RASEF: variants seen among roughly 807,000 people sequenced by gnomAD.
RASEF encodes the protein ras and EF-hand domain-containing protein.
A neutral mutation model predicts 90.1 loss-of-function variants in RASEF; 68 were observed. The ratio of observed to expected loss-of-function variants is 0.75; its 90% CI spans 0.62 to 0.92. The LOEUF (loss-of-function observed/expected upper bound fraction) is 0.92. Among genes scored for constraint, RASEF ranks in the 40% least tolerant of loss-of-function variants. The probability of loss-of-function intolerance (pLI) is 0.00; values close to 1 mark genes in which losing one functional copy is unlikely to be tolerated. For missense variants in RASEF, 949 were observed against 937.2 expected, an observed-to-expected ratio of 1.01 and a Z score of -0.16; for synonymous variants, 331 against 345.2, an observed-to-expected ratio of 0.96 and a Z score of 0.46.
the RASEF span, among the ~76,000 whole-genome samples, chr9:83,135,087 GA>G: frequency 6.6e-6 from 1 of 152,150 alleles, no homozygotes; most frequent in Non-Finnish European, 1.5e-5. Context: ...GAACTGGGGA[GA>G]GGGGTAATGG....
the RASEF span, among the ~76,000 whole-genome samples, chr9:83,131,772 A>AT: frequency 1.3e-5 from 2 of 152,176 alleles, no homozygotes; most frequent in Non-Finnish European, 2.9e-5. Flanking sequence ...ACTCTAAGCT[A>AT]TATAAGATTT....
the RASEF span, among the ~76,000 whole-genome samples, chr9:83,197,009 C>T: frequency 1.3e-5 from 2 of 152,206 alleles, no homozygotes; most frequent in African/African-American, 2.4e-5. Context: ...TGGTGGCCAC[C>T]AAAAACACTG....
At chr9:83,048,540 A>G in intron 1 of RASEF, 1 of 985,376 alleles carries the variant, frequency 1.0e-6, no homozygotes, top group South Asian at 4.7e-5. Context: ...ACAAAAAAAA[A>G]AGTTTAAGTG....
the RASEF span, among the ~76,000 whole-genome samples, chr9:83,151,373 G>A: frequency 6.6e-6 from 1 of 152,140 alleles, no homozygotes; most frequent in Non-Finnish European, 1.5e-5. Context: ...CTTGGTGACT[G>A]ATTGAATATG....
Position 82,997,060 on chromosome 9 carries a change from T to C in RASEF, c.1872A>G (p.Thr624=). ...ADGVLLLYDV[T]CEKSFLNIRE... Reference sequence around the variant, plus strand: ...GTATGTTAAGAAAGCTTTTCTCACATGTAACATCATACAGCAGCAAAACAC... The same window carrying C: ...GTATGTTAAGAAAGCTTTTCTCACACGTAACATCATACAGCAGCAAAACAC... Residue 624 remains threonine, a synonymous_variant, in exon 14 of 17, where the codon ACA becomes ACG. Coordinates refer to ENST00000376447, the MANE Select transcript of RASEF (RefSeq NM_152573.4). 1 of 1,613,414 alleles carries C rather than the reference T, an allele frequency of 6.2e-7. No homozygotes were observed. The highest frequency in any genetic ancestry group is 8.5e-7 in the Non-Finnish European group (1 of 1,179,346).
At chr9:82,986,176 A>C (rs1344124972) in intron 16 of RASEF, among the ~76,000 whole-genome samples, 1 of 152,230 alleles carries the variant, frequency 6.6e-6, no homozygotes, top group Non-Finnish European at 1.5e-5. Context: ...GTTGGTGGTG[A>C]AGAGTCCTCA....
At chr9:83,104,471 C>T in the RASEF span, among the ~76,000 whole-genome samples, 1 of 152,056 alleles carries the variant, frequency 6.6e-6, no homozygotes, top group African/African-American at 2.4e-5. Flanking sequence ...AAGAGATGGA[C>T]AATATAAGAG....
At chr9:83,005,547 T>C (rs765871227) in intron 7 of RASEF, 47 bp from the exon 8 acceptor site, 18 of 1,363,774 alleles carry the variant, frequency 1.3e-5, no homozygotes, top group Middle Eastern at 1.8e-4. Context: ...GAAAGTATCA[T>C]TGGGGGTCAC....
chr9:83,035,521 T>C lies in RASEF; in HGVS notation c.432-9600A>G, dbSNP rs372743975. On this transcript the variant is annotated intron_variant, in intron 1 of 16. Coordinates refer to ENST00000376447, the MANE Select transcript of RASEF (RefSeq NM_152573.4). ...TTTTCATATACAGAAGTTCATTCTG[T>C]TGACATTACAGTATGTATGTGCTAT... Among the ~76,000 whole-genome samples the C allele has an allele frequency of 2.4e-4, 36 of 152,286 alleles. 1 individual carries two copies. The South Asian group carries it at 7.5e-3, about 32-fold the overall frequency.
chr9:83,147,761 C>A, the RASEF span, among the ~76,000 whole-genome samples: 1 of 152,048 alleles, frequency 6.6e-6, no homozygotes, highest in Non-Finnish European at 1.5e-5. Flanking sequence ...ACTTGAAGGA[C>A]GGTTAATTCA....
the RASEF span, among the ~76,000 whole-genome samples, chr9:83,176,948 A>G: frequency 5.3e-5 from 8 of 152,144 alleles, no homozygotes; most frequent in Admixed American, 1.3e-4. Context: ...TAACCTTCTT[A>G]TTATTTCTGG....
At chr9:83,187,484 A>T in the RASEF span, among the ~76,000 whole-genome samples, 34 of 152,220 alleles carry the variant, frequency 2.2e-4, no homozygotes, top group African/African-American at 8.2e-4. Flanking sequence ...AGTGACCTTG[A>T]TGATAAAAGT....
At chr9:83,087,435 C>CTCTCTCTCTCTCTG in the RASEF span, among the ~76,000 whole-genome samples, 1 of 151,744 alleles carries the variant, frequency 6.6e-6, no homozygotes, top group Non-Finnish European at 1.5e-5. Flanking sequence ...CTCTCTCTCT[C>CTCTCTCTCTCTCTG]TCTCTGTCTC....
At chr9:83,026,220 A>G (rs1267217743) in intron 1 of RASEF, among the ~76,000 whole-genome samples, 1 of 152,224 alleles carries the variant, frequency 6.6e-6, no homozygotes, top group Non-Finnish European at 1.5e-5. Context: ...ATAAATTTAC[A>G]GAAAAATTAG....
chr9:83,017,389 A>C (rs1450733675), intron 3 of RASEF, among the ~76,000 whole-genome samples: 1 of 151,284 alleles, frequency 6.6e-6, no homozygotes, highest in Admixed American at 6.6e-5. Flanking sequence ...TGTCCCAGCT[A>C]CTCGGGAGGC....
intron 2 of RASEF, among the ~76,000 whole-genome samples, chr9:83,024,604 A>G (rs570259617): frequency 6.6e-6 from 1 of 152,298 alleles, no homozygotes; most frequent in South Asian, 2.1e-4. Flanking sequence ...TCCTCCTGGA[A>G]GGCCCCTAGA....
the RASEF span, among the ~76,000 whole-genome samples, chr9:83,082,137 CTT>C: frequency 1.3e-5 from 2 of 152,138 alleles, no homozygotes; most frequent in Non-Finnish European, 2.9e-5. Context: ...GATCTTGGCC[CTT>C]GGAACCAGGC....
the RASEF span, among the ~76,000 whole-genome samples, chr9:83,154,091 T>G: frequency 1.3e-5 from 2 of 152,356 alleles, no homozygotes; most frequent in African/African-American, 4.8e-5. Context: ...AGACTCCAGA[T>G]AGCTGGAAAG....
intron 6 of RASEF, among the ~76,000 whole-genome samples, chr9:83,008,312 C>T (rs1165045442): frequency 2.0e-5 from 3 of 152,124 alleles, no homozygotes; most frequent in African/African-American, 4.8e-5. Flanking sequence ...AACCAAAATT[C>T]GGGGGCCTTC....
Sources: allele counts gnomAD v4.1 joint callset (sites outside exome capture counted in the v4.1 genomes callset), GRCh38; gene constraint gnomAD v4.1.1; transcripts MANE v1.5; gene names NCBI Gene and HGNC (gene_info 2026-07-23, HGNC 2026-07-21).